FAM118A: variants seen among roughly 807,000 people sequenced by gnomAD.
FAM118A encodes the protein protein FAM118A.
A neutral mutation model predicts 38.2 loss-of-function variants in FAM118A; 25 were observed. The observed-to-expected ratio is 0.65, with a 90% CI of 0.48 to 0.91. The LOEUF (loss-of-function observed/expected upper bound fraction) is 0.91, where lower values mean the gene tolerates loss of function less well. FAM118A is among the 40% of genes least tolerant of loss of function. The pLI is 0.00. For synonymous variants in FAM118A, 178 were observed against 184.1 expected (o/e 0.97, Z 0.27); for missense variants, 425 against 463.3 (o/e 0.92, Z 0.76).
rs969137128 is a variant in FAM118A, at chr22:45,332,536, G to C, written c.763G>C (p.Val255Leu). The C allele has an allele frequency of 6.2e-7, 1 of 1,614,164 alleles. No homozygotes were observed. Among genetic ancestry groups the C allele is most frequent in the Non-Finnish European group, 8.5e-7 (1 of 1,180,032 alleles). ...CTTTCTTTACTCCGTGCCGAATAAGGTGGATTTGGAGCACTACATGCTTGT... is the reference window on the plus strand; with the variant it reads ...CTTTCTTTACTCCGTGCCGAATAAGCTGGATTTGGAGCACTACATGCTTGT... ...ALFLYSVPNK[V>L]DLEHYMLVLK... The change falls in exon 6 of 9, where the codon GTG (valine) becomes CTG (leucine). Residue 255 changes from valine (V) to leucine (L), a missense_variant. Val to Leu is a conservative substitution (Grantham distance 32, BLOSUM62 1). Coordinates refer to ENST00000441876, the MANE Select transcript of FAM118A (RefSeq NM_017911.4).
chr22:45,327,019 A>C (rs2085324022), intron 3 of FAM118A, among the ~76,000 whole-genome samples: 1 of 151,118 alleles, frequency 6.6e-6, no homozygotes, highest in Admixed American at 6.6e-5. Flanking sequence ...GTCTCAAAAA[A>C]TAAAATAATA....
intron 1 of FAM118A, among the ~76,000 whole-genome samples, chr22:45,312,980 C>G (rs2084439000): frequency 6.6e-6 from 1 of 152,174 alleles, no homozygotes. Flanking sequence ...GCCCTCTCTT[C>G]CCCAGGTTAG....
At chr22:45,312,413 C>G (rs566392290) in intron 1 of FAM118A, among the ~76,000 whole-genome samples, 1 of 152,292 alleles carries the variant, frequency 6.6e-6, no homozygotes, top group South Asian at 2.1e-4. Flanking sequence ...TGGCTCACGC[C>G]TGTAATCCTA....
intron 6 of FAM118A, 41 bp downstream of exon 6, chr22:45,332,751 C>CTTTTT (rs58672588): frequency 5.3e-6 from 7 of 1,308,554 alleles, no homozygotes; most frequent in East Asian, 2.5e-5. Flanking sequence ...TTTCTTTTTT[C>CTTTTT]TTTTTTTTTT....
At chr22:45,326,847 A>AAT (rs2085306214) in intron 3 of FAM118A, among the ~76,000 whole-genome samples, 1 of 115,254 alleles carries the variant, frequency 8.7e-6, no homozygotes, top group South Asian at 2.9e-4. Context: ...AAAAAAAAAA[A>AAT]GTTAAAAAAT....
intron 1 of FAM118A, among the ~76,000 whole-genome samples, chr22:45,311,984 G>A (rs1380627303): frequency 2.6e-5 from 4 of 152,132 alleles, no homozygotes; most frequent in African/African-American, 7.2e-5. Context: ...CACACAGGAC[G>A]CAGTGGGGCA....
chr22:45,322,307 A>G (rs1168442953), intron 1 of FAM118A, 64 bp from the exon 2 acceptor site: 2 of 1,583,988 alleles, frequency 1.3e-6, no homozygotes, highest in Non-Finnish European at 1.7e-6. Context: ...ACTATCTTCC[A>G]GGGTGCAAAT....
At chr22:45,337,960 G>C in intron 8 of FAM118A, 1 of 919,662 alleles carries the variant, frequency 1.1e-6, no homozygotes, top group Non-Finnish European at 1.3e-6. Context: ...TGTTCCCAGT[G>C]ATTTGAAGGT....
At chr22:45,320,082 C>G (rs1043648388) in intron 1 of FAM118A, among the ~76,000 whole-genome samples, 7 of 152,174 alleles carry the variant, frequency 4.6e-5, no homozygotes. Flanking sequence ...ACTGATTAAG[C>G]CTTGTTTCCT....
At chr22:45,338,665 G>A (rs1021931674) in intron 8 of FAM118A, among the ~76,000 whole-genome samples, 2 of 152,188 alleles carry the variant, frequency 1.3e-5, no homozygotes, top group African/African-American at 4.8e-5. Flanking sequence ...TCATATAATA[G>A]GAGTTTATAT....
At chr22:45,321,711 T>C (rs2084890057) in intron 1 of FAM118A, 1 of 155,008 alleles carries the variant, frequency 6.5e-6, no homozygotes, top group Non-Finnish European at 1.4e-5. Context: ...CCATGCCTGG[T>C]CTGATTTTGG....
rs184150870 is a variant in FAM118A, at chr22:45,330,836, C to G, written c.651+105C>G. ...GCTTCCCAGGCTCCAGGCGTCCGTG[C>G]CCTTCAGGTCGGCCCTGCACACAGT... On this transcript the variant is annotated intron_variant, in intron 5 of 8. Transcript: ENST00000441876. The G allele has an allele frequency of 8.7e-5, 113 of 1,297,502 alleles. 1 individual carries two copies. In the African/African-American group the frequency reaches 1.5e-3, roughly 17 times the overall value. The allele number at this position is 1,297,502 out of a possible 1,614,324, so 80.4% of individuals were successfully genotyped here.
intron 8 of FAM118A, among the ~76,000 whole-genome samples, chr22:45,337,606 T>C (rs192800099): frequency 7.1e-4 from 108 of 152,162 alleles, no homozygotes; most frequent in Non-Finnish European, 3.1e-4. Flanking sequence ...AAATTTTTTT[T>C]TAAAAAAAGT....
intron 8 of FAM118A, among the ~76,000 whole-genome samples, chr22:45,337,439 A>T (rs77414124): frequency 6.6e-6 from 1 of 151,768 alleles, no homozygotes; most frequent in East Asian, 1.9e-4. Context: ...CCATTCTCCC[A>T]TTTTTTATTG....
intron 6 of FAM118A, among the ~76,000 whole-genome samples, chr22:45,334,666 G>C (rs2085959863): frequency 1.3e-5 from 2 of 152,200 alleles, no homozygotes; most frequent in African/African-American, 4.8e-5. Flanking sequence ...TAGACGAGAT[G>C]AGCTGAGCTG....
At chr22:45,315,829 C>T (rs1278693834) in intron 1 of FAM118A, among the ~76,000 whole-genome samples, 1 of 152,170 alleles carries the variant, frequency 6.6e-6, no homozygotes, top group Non-Finnish European at 1.5e-5. Context: ...AGTCCTAATG[C>T]TGCTTCAGGT....
intron 8 of FAM118A, among the ~76,000 whole-genome samples, chr22:45,339,567 A>G (rs1387923311): frequency 6.6e-6 from 1 of 152,180 alleles, no homozygotes; most frequent in Non-Finnish European, 1.5e-5. Context: ...ATAAGTAAAA[A>G]CAAAACACAA....
At chr22:45,328,667 T>C (rs531046271) in intron 4 of FAM118A, 19 of 571,672 alleles carry the variant, frequency 3.3e-5, no homozygotes, top group South Asian at 6.2e-5. Context: ...AGTGGCACAC[T>C]GGCAACTTGG....
chr22:45,323,682 G>C (rs551234437), intron 3 of FAM118A, among the ~76,000 whole-genome samples: 1 of 152,340 alleles, frequency 6.6e-6, no homozygotes, highest in African/African-American at 2.4e-5. Context: ...TCGTCTCAGG[G>C]AGATTGTCCA....
Sources: allele counts gnomAD v4.1 joint callset (sites outside exome capture counted in the v4.1 genomes callset), GRCh38; gene constraint gnomAD v4.1.1; transcripts MANE v1.5; gene names NCBI Gene and HGNC (gene_info 2026-07-23, HGNC 2026-07-21).